SPOCK1: variants seen among roughly 807,000 people sequenced by gnomAD.
SPOCK1 encodes the protein testican-1.
SPOCK1 carries 23 observed loss-of-function variants against 55.3 expected under a neutral mutation model. That is an observed-to-expected ratio of 0.42 (90% CI 0.30 to 0.59). SPOCK1 has a LOEUF of 0.59. Among genes scored for constraint, SPOCK1 ranks in the 20% least tolerant of loss-of-function variants. The pLI is 0.22. For synonymous variants in SPOCK1, 226 were observed against 221.0 expected (o/e 1.02, Z -0.20); for missense variants, 499 against 552.5 (o/e 0.90, Z 0.97).
chr5:137,416,930 A>C (rs114700509), intron 2 of SPOCK1, among the ~76,000 whole-genome samples: 1 of 152,110 alleles, frequency 6.6e-6, no homozygotes, highest in African/African-American at 2.4e-5. Context: ...AATATTTTGA[A>C]TATTTGATTA....
chr5:137,365,103 T>C (rs2127168025), intron 2 of SPOCK1: 1 of 152,502 alleles, frequency 6.6e-6, no homozygotes, highest in South Asian at 2.1e-4. Context: ...GCTTGTGGGA[T>C]GCATCTGCAG....
chr5:137,188,386 C>T (rs748059395), intron 3 of SPOCK1, among the ~76,000 whole-genome samples: 59 of 152,182 alleles, frequency 3.9e-4, no homozygotes, highest in Non-Finnish European at 6.9e-4. Context: ...ACAGCATGTG[C>T]TCACTTTGTG....
At chr5:137,327,033 T>C (rs897231620) in intron 2 of SPOCK1, among the ~76,000 whole-genome samples, 2 of 152,246 alleles carry the variant, frequency 1.3e-5, no homozygotes, top group Non-Finnish European at 2.9e-5. Context: ...TGTTCATTCA[T>C]CAGTGACTTA....
At chr5:137,175,332 G>T (rs528549889) in intron 3 of SPOCK1, among the ~76,000 whole-genome samples, 6 of 152,142 alleles carry the variant, frequency 3.9e-5, no homozygotes, top group Non-Finnish European at 8.8e-5. Context: ...GGCCAGTGAG[G>T]CTTTTGAGTA....
chr5:137,492,148 C>G (rs1249372596), intron 2 of SPOCK1, among the ~76,000 whole-genome samples: 2 of 152,206 alleles, frequency 1.3e-5, no homozygotes, highest in Non-Finnish European at 2.9e-5. Context: ...AACCCCTCCA[C>G]CACTCTAGCC....
At chr5:137,312,106 G>A (rs185984966) in intron 2 of SPOCK1, among the ~76,000 whole-genome samples, 15 of 152,252 alleles carry the variant, frequency 9.9e-5, no homozygotes, top group Middle Eastern at 3.4e-3. Flanking sequence ...CAATTCTTTC[G>A]GGTACTTCTT....
intron 2 of SPOCK1, among the ~76,000 whole-genome samples, chr5:137,374,996 C>A (rs182939187): frequency 9.9e-5 from 15 of 152,268 alleles, no homozygotes; most frequent in Non-Finnish European, 1.9e-4. Flanking sequence ...TCTCCCCCAT[C>A]TCAGTTGCAG....
chr5:137,063,504 A>T (rs1157744340), intron 6 of SPOCK1, among the ~76,000 whole-genome samples: 1 of 152,282 alleles, frequency 6.6e-6, no homozygotes, highest in East Asian at 1.9e-4. Flanking sequence ...AGGCTGGAAG[A>T]GGCAGAGAAG....
At chr5:137,143,210 G>A (rs1192358171) in intron 3 of SPOCK1, among the ~76,000 whole-genome samples, 1 of 150,556 alleles carries the variant, frequency 6.6e-6, no homozygotes, top group Non-Finnish European at 1.5e-5. Flanking sequence ...ATTTTCACTT[G>A]AGTGGATGTC....
At chr5:137,085,733 G>A (rs1257835333) in intron 5 of SPOCK1, among the ~76,000 whole-genome samples, 2 of 152,188 alleles carry the variant, frequency 1.3e-5, no homozygotes. Context: ...GTTGAGCTTT[G>A]CATCCATTAG....
At chr5:137,094,280 A>C (rs527780880) in intron 5 of SPOCK1, among the ~76,000 whole-genome samples, 1 of 152,288 alleles carries the variant, frequency 6.6e-6, no homozygotes, top group African/African-American at 2.4e-5. Context: ...GGATGGTTCA[A>C]GTAGGCCACT....
chr5:136,990,257 T>C (rs1580696423), intron 7 of SPOCK1, among the ~76,000 whole-genome samples: 2 of 152,066 alleles, frequency 1.3e-5, no homozygotes, highest in African/African-American at 4.8e-5. Context: ...GTCTTCACTG[T>C]CTAGAAGCCA....
chr5:137,063,455 AT>A (rs1752435843), intron 6 of SPOCK1, among the ~76,000 whole-genome samples: 1 of 151,836 alleles, frequency 6.6e-6, no homozygotes, highest in South Asian at 2.1e-4. Context: ...GAGAGTTCTG[AT>A]TTGCCAGAGC....
chr5:137,353,170 A>G (rs1029431598), intron 2 of SPOCK1, among the ~76,000 whole-genome samples: 1 of 152,220 alleles, frequency 6.6e-6, no homozygotes, highest in Admixed American at 6.5e-5. Context: ...GATAGAGCCC[A>G]AAAGTTAGAG....
intron 2 of SPOCK1, among the ~76,000 whole-genome samples, chr5:137,478,464 G>T (rs1753881081): frequency 6.6e-6 from 1 of 152,142 alleles, no homozygotes; most frequent in South Asian, 2.1e-4. Context: ...ACATGTCAGA[G>T]ACATTCAGAT....
chr5:137,464,060 A>G (rs1753548742), intron 2 of SPOCK1, among the ~76,000 whole-genome samples: 1 of 152,214 alleles, frequency 6.6e-6, no homozygotes. Context: ...GCACTTTGGG[A>G]GGCCAAGGAG....
Position 137,274,326 on chromosome 5 carries a change from C to A in SPOCK1, c.187-7271G>T, listed in dbSNP as rs187813286. 2.6e-5 allele frequency among the ~76,000 whole-genome samples: 4 copies of A among 152,326 alleles called. No homozygotes were observed. The East Asian group carries it at 7.7e-4, about 29-fold the overall frequency. ...CAAGGAGTTAAAGTCAGAGAAGATA[C>A]TGTAAACATGGCAGGCTTTGAAGCA... is the stretch of plus-strand genomic sequence containing the variant. On this transcript the variant is annotated intron_variant, in intron 2 of 10. Coordinates refer to ENST00000394945, the MANE Select transcript of SPOCK1 (RefSeq NM_004598.4).
intron 2 of SPOCK1, among the ~76,000 whole-genome samples, chr5:137,356,255 T>A (rs751476881): frequency 6.6e-6 from 1 of 152,208 alleles, no homozygotes; most frequent in Non-Finnish European, 1.5e-5. Flanking sequence ...AGCCCACTTA[T>A]TACTAAGTTG....
chr5:136,979,307 G>C (rs368336446), intron 10 of SPOCK1, 25 bp downstream of exon 10: 5 of 1,613,320 alleles, frequency 3.1e-6, no homozygotes, highest in African/African-American at 1.3e-5. Flanking sequence ...GTCATTGTGG[G>C]GCTCATGCAG....
Sources: gnomAD v4.1 joint callset for allele counts (sites outside exome capture counted in the v4.1 genomes callset) on GRCh38, gnomAD v4.1.1 for gene constraint, MANE v1.5 for transcripts, NCBI Gene and HGNC (gene_info 2026-07-23, HGNC 2026-07-21) for gene names.